Variants in ARHGAP15 observed in about 807,000 individuals in gnomAD.
ARHGAP15 encodes Rho GTPase activating protein 15.
In ARHGAP15, 51 loss-of-function variants were observed where a neutral mutation model predicts 63.7. The observed-to-expected ratio is 0.80, with a 90% CI of 0.64 to 1.01. ARHGAP15 has a LOEUF of 1.01. Among genes scored for constraint, ARHGAP15 ranks in the 50% least tolerant of loss-of-function variants. The pLI is 0.00. For missense variants in ARHGAP15, 560 were observed against 564.6 expected (o/e 0.99, Z 0.08); for synonymous variants, 191 against 193.8 (o/e 0.99, Z 0.12).
chr2:143,269,444 C>A (rs889106092), intron 6 of ARHGAP15, among the ~76,000 whole-genome samples: 1 of 152,126 alleles, frequency 6.6e-6, no homozygotes, highest in African/African-American at 2.4e-5. Context: ...TATAACAGTA[C>A]TCCTTTTCAG....
chr2:143,678,053 A>C lies in ARHGAP15; in HGVS notation c.1139-25366A>C, dbSNP rs370613009. Among the ~76,000 whole-genome samples, 5 of 152,246 alleles carry C rather than the reference A, an allele frequency of 3.3e-5. No homozygotes were observed. The East Asian group carries it at 5.8e-4, about 18-fold the overall frequency. ...CAAAACCCTGTGTCTATTATACAAAAACATAAGAATTAGCCAGGCATGGTG... is the reference window on the plus strand; with the variant it reads ...CAAAACCCTGTGTCTATTATACAAACACATAAGAATTAGCCAGGCATGGTG... On this transcript the variant is annotated intron_variant, in intron 12 of 13. Coordinates refer to ENST00000295095, the MANE Select transcript of ARHGAP15 (RefSeq NM_018460.4).
intron 8 of ARHGAP15, among the ~76,000 whole-genome samples, chr2:143,474,846 G>T (rs961119401): frequency 2.6e-5 from 4 of 152,120 alleles, no homozygotes; most frequent in Admixed American, 2.0e-4. Context: ...AAAAAAGCTT[G>T]GCAATTTGAT....
At chr2:143,764,235 C>T (rs559012932) in intron 13 of ARHGAP15, among the ~76,000 whole-genome samples, 4 of 152,154 alleles carry the variant, frequency 2.6e-5, no homozygotes, top group Middle Eastern at 3.4e-3. Flanking sequence ...AATTTGCATT[C>T]GCAGAAATTC....
chr2:143,582,655 G>T (rs1696957067), intron 11 of ARHGAP15, among the ~76,000 whole-genome samples: 1 of 152,260 alleles, frequency 6.6e-6, no homozygotes, highest in South Asian at 2.1e-4. Context: ...GTGTGGGTTG[G>T]GAACAGTAGA....
rs572531812 is a variant in ARHGAP15, at chr2:143,598,316, A to T, written c.1004-25817A>T. 1.6e-4 allele frequency among the ~76,000 whole-genome samples: 25 copies of T among 152,290 alleles called. No individual in the cohort carries two copies. The South Asian group carries it at 5.0e-3, about 30-fold the overall frequency. On this transcript the variant is annotated intron_variant, in intron 11 of 13. Transcript: ENST00000295095. ...AGATACGGATCAAATCTTGGTCAAAAATAGCATCAAATGTGGCTAAAGGAG... is the reference window on the plus strand; with the variant it reads ...AGATACGGATCAAATCTTGGTCAAATATAGCATCAAATGTGGCTAAAGGAG...
intron 6 of ARHGAP15, among the ~76,000 whole-genome samples, chr2:143,357,279 T>C (rs1685850874): frequency 6.6e-6 from 1 of 152,298 alleles, no homozygotes; most frequent in Admixed American, 6.5e-5. Context: ...TCACTCTGTG[T>C]GCTCAAATCA....
intron 12 of ARHGAP15, among the ~76,000 whole-genome samples, chr2:143,664,636 T>C (rs1355987676): frequency 2.5e-4 from 38 of 151,696 alleles, no homozygotes; most frequent in African/African-American, 9.2e-4. Context: ...GGAGCTGGTT[T>C]TTTGAAAGGA....
At chr2:143,519,510 T>C in intron 10 of ARHGAP15, 146 bp downstream of exon 10, 3 of 517,888 alleles carry the variant, frequency 5.8e-6, no homozygotes, top group Non-Finnish European at 1.0e-5. Flanking sequence ...ATCATCTTTC[T>C]TATTAACTTC....
At chr2:143,707,257 G>C (rs527269132) in intron 13 of ARHGAP15, among the ~76,000 whole-genome samples, 1 of 152,252 alleles carries the variant, frequency 6.6e-6, no homozygotes, top group South Asian at 2.1e-4. Context: ...CCAAAATCTT[G>C]AGATTTTTCA....
intron 6 of ARHGAP15, among the ~76,000 whole-genome samples, chr2:143,367,735 T>C (rs1411834784): frequency 6.6e-6 from 1 of 152,022 alleles, no homozygotes; most frequent in African/African-American, 2.4e-5. Flanking sequence ...TCATGCTTCA[T>C]GTGTTATTAG....
intron 6 of ARHGAP15, among the ~76,000 whole-genome samples, chr2:143,382,450 G>A (rs1314225589): frequency 6.6e-6 from 1 of 152,066 alleles, no homozygotes; most frequent in African/African-American, 2.4e-5. Flanking sequence ...TTCTCCTTGT[G>A]TGTCTTCACA....
intron 2 of ARHGAP15, among the ~76,000 whole-genome samples, chr2:143,165,368 A>G (rs1007122428): frequency 3.3e-5 from 5 of 152,084 alleles, no homozygotes; most frequent in African/African-American, 1.2e-4. Flanking sequence ...TCTTTCCCAC[A>G]GGGTAAAATA....
intron 12 of ARHGAP15, among the ~76,000 whole-genome samples, chr2:143,692,267 G>A (rs1172158758): frequency 6.6e-6 from 1 of 152,170 alleles, no homozygotes; most frequent in Non-Finnish European, 1.5e-5. Flanking sequence ...GGTTGCATCA[G>A]GAATTTTTTC....
In ARHGAP15 at chr2:143,137,338, GA is replaced by G. The variant is rs530965476; in HGVS notation, c.-15+7875del. 9.9e-5 allele frequency among the ~76,000 whole-genome samples: 15 copies of G among 152,138 alleles called. 1 individual carries two copies. In the South Asian group the frequency reaches 3.1e-3, roughly 31 times the overall value. On this transcript the variant is annotated intron_variant, in intron 1 of 13. Transcript: ENST00000295095. The stretch of plus-strand genomic sequence containing the variant: ...TAATATCAATAAATATTTGTTTAGT[GA>G]AAGGATAAATGCCATAAAGATTGAC...
chr2:143,551,339 G>A lies in ARHGAP15; in HGVS notation c.926-5069G>A, dbSNP rs1273159085. 2.6e-5 allele frequency among the ~76,000 whole-genome samples: 4 copies of A among 152,166 alleles called. No individual in the cohort carries two copies. The East Asian group carries it at 7.7e-4, about 29-fold the overall frequency. ...GCTAATTTTTAAATTTTGGCGGGGG[G>A]AAGATAGGTTTCACTATGTTGCCCA... On this transcript the variant is annotated intron_variant, in intron 10 of 13. Coordinates refer to ENST00000295095, the MANE Select transcript of ARHGAP15 (RefSeq NM_018460.4).
chr2:143,428,493 G>C (rs935178748), intron 6 of ARHGAP15, among the ~76,000 whole-genome samples: 6 of 151,838 alleles, frequency 4.0e-5, no homozygotes, highest in African/African-American at 9.7e-5. Context: ...ATATAGTATG[G>C]ACTTGAAGGA....
At chr2:143,137,943 T>C (rs1233633010) in intron 1 of ARHGAP15, among the ~76,000 whole-genome samples, 2 of 152,106 alleles carry the variant, frequency 1.3e-5, no homozygotes, top group Non-Finnish European at 2.9e-5. Flanking sequence ...CTGTATAATA[T>C]CACCTATTCA....
chr2:143,664,263 T>C (rs1417587199), intron 12 of ARHGAP15, among the ~76,000 whole-genome samples: 1 of 152,074 alleles, frequency 6.6e-6, no homozygotes. Flanking sequence ...ATTAGGAATC[T>C]CACTCAAAAC....
intron 11 of ARHGAP15, among the ~76,000 whole-genome samples, chr2:143,603,715 T>C (rs1429950749): frequency 6.6e-6 from 1 of 152,222 alleles, no homozygotes; most frequent in Non-Finnish European, 1.5e-5. Flanking sequence ...TTTGGTGAAC[T>C]TCCAGCGGCA....
Sources: allele counts gnomAD v4.1 joint callset (sites outside exome capture counted in the v4.1 genomes callset), GRCh38; gene constraint gnomAD v4.1.1; transcripts MANE v1.5; gene names NCBI Gene and HGNC (gene_info 2026-07-23, HGNC 2026-07-21).